Variants in OLFM1 observed in about 807,000 individuals in gnomAD.
OLFM1 encodes the protein noelin.
OLFM1 carries 9 observed loss-of-function variants against 49.7 expected under a neutral mutation model. That is an observed-to-expected ratio of 0.18 (90% CI 0.11 to 0.32). OLFM1 has a LOEUF of 0.32. Ranked by LOEUF, OLFM1 falls within the 10% of genes least tolerant of loss-of-function variation. The pLI is 1.00. For missense variants in OLFM1, 369 were observed against 661.8 expected, an observed-to-expected ratio of 0.56 and a Z score of 4.85; for synonymous variants, 240 against 271.8, an observed-to-expected ratio of 0.88 and a Z score of 1.15.
Position 135,080,840 on chromosome 9 carries a change from C to T in OLFM1, c.96+5038C>T, listed in dbSNP as rs1298277697. ...ATTCGTCCTGGACACCCTGCACGCT[C>T]GGAAACCTCAGCGCTGTCCCGACTG... On this transcript the variant is annotated intron_variant, in intron 1 of 5. Coordinates refer to the OLFM1 transcript ENST00000252854. The surrounding 1 kb of genome is among the most constrained non-coding windows in gnomAD (Gnocchi z 4.5). Among the ~76,000 whole-genome samples the T allele has an allele frequency of 1.2e-4, 18 of 152,072 alleles. No homozygotes were observed. The highest frequency in any genetic ancestry group is 1.2e-3 in the Admixed American group (18 of 15,268).
rs2119098151 is a variant in OLFM1 at position 135,088,243 on chromosome 9, G to A, written c.150+104G>A. ...TGGGCGGGCGCCGCGCGGGACCCGA[G>A]TCGCCCAGGGAGGCGGCGGGGAGCA... On this transcript the variant is annotated intron_variant, in intron 1 of 5. Coordinates refer to ENST00000371793, the MANE Select transcript of OLFM1 (RefSeq NM_001282611.2). The surrounding 1 kb of genome is among the most constrained non-coding windows in gnomAD (Gnocchi z 4.8). The A allele has an allele frequency of 9.1e-7, 1 of 1,101,736 alleles. No individual in the cohort carries two copies. The highest frequency in any genetic ancestry group is 4.5e-5 in the Admixed American group (1 of 22,278). 68.2% of individuals were successfully genotyped at this position (1,101,736 alleles called of 1,614,324 possible).
At position 135,119,658 on chromosome 9, in the gene OLFM1, A is replaced by G. The variant is rs776780657; in HGVS notation, c.938A>G (p.Asn313Ser). The G allele has an allele frequency of 6.2e-7, 1 of 1,614,106 alleles. No homozygotes were observed. Among genetic ancestry groups the G allele is most frequent in the South Asian group, 1.1e-5 (1 of 91,068 alleles). ...GTCTACAACGGTTCTATCTACTTCA[A>G]CAAGTTCCAGAGCCACATCATCATC... The part of the protein sequence containing the change: ...QVVYNGSIYF[N>S]KFQSHIIIRF... The change falls in exon 6 of 6, where the codon AAC (asparagine) becomes AGC (serine). Residue 313 changes from asparagine (N) to serine (S), a missense_variant. By Grantham distance (46) the Asn-to-Ser change is conservative. Around this residue, in one of 3 missense-constraint regions of OLFM1, gnomAD observed 294 missense variants for 567.5 expected, o/e 0.52. Coordinates refer to ENST00000371793, the MANE Select transcript of OLFM1 (RefSeq NM_001282611.2).
At chr9:135,091,714 TAG>T (rs1830706849) in intron 2 of OLFM1, among the ~76,000 whole-genome samples, 2 of 23,782 alleles carry the variant, frequency 8.4e-5, no homozygotes, top group East Asian at 1.2e-3. Flanking sequence ...CACTCACACA[TAG>T]TCACACACTC....
upstream of OLFM1, chr9:135,087,172 G>C (rs563468473): frequency 7.1e-5 from 96 of 1,349,332 alleles, no homozygotes; most frequent in Non-Finnish European, 8.8e-5. Flanking sequence ...CCCCCCTGGC[G>C]CTGGAGGCCC....
intron 1 of OLFM1, chr9:135,076,766 T>C: frequency 6.7e-7 from 1 of 1,486,950 alleles, no homozygotes; most frequent in South Asian, 1.3e-5. Context: ...AAGCCCCAGC[T>C]GCCCCTGACC....
chr9:135,092,741 G>A (rs1209339533), intron 2 of OLFM1, among the ~76,000 whole-genome samples: 1 of 152,206 alleles, frequency 6.6e-6, no homozygotes, highest in African/African-American at 2.4e-5. Flanking sequence ...TCCTGCCTGT[G>A]CGTGCCACAG....
At position 135,088,723 on chromosome 9, in the gene OLFM1, G is replaced by A. The variant is rs1027286699; in HGVS notation, c.150+584G>A. On this transcript the variant is annotated intron_variant, in intron 1 of 5. Transcript: ENST00000371793. This position sits in a 1 kb window ranked among gnomAD's most constrained non-coding sequence, Gnocchi z 4.8. ...CCCTTTCCTCCCCAGTCCATAGGAG[G>A]GTTTGTTCCTTCTCCTCCGAGGACG... Among the ~76,000 whole-genome samples, 1 of 152,176 alleles carries A rather than the reference G, an allele frequency of 6.6e-6. No homozygotes were observed. The highest frequency in any genetic ancestry group is 2.4e-5 in the African/African-American group (1 of 41,452).
chr9:135,096,188 TTCCTCC>T (rs1356193718), intron 3 of OLFM1, among the ~76,000 whole-genome samples, 169 bp downstream of exon 3: 1 of 43,072 alleles, frequency 2.3e-5, no homozygotes, highest in African/African-American at 9.5e-5. Context: ...TCTCCTCCTC[TTCCTCC>T]TCCTCCCCCT....
chr9:135,077,280 G>T, intron 1 of OLFM1: 1 of 1,446,420 alleles, frequency 6.9e-7, no homozygotes, highest in South Asian at 1.5e-5. Context: ...CCTTGGCAAA[G>T]AGATGGCTGA....
intron 4 of OLFM1, among the ~76,000 whole-genome samples, chr9:135,104,900 G>A (rs1002293441): frequency 5.9e-5 from 9 of 152,220 alleles, no homozygotes; most frequent in African/African-American, 1.4e-4. Flanking sequence ...AATCTGGGCC[G>A]GGCTCTCCTG....
In OLFM1 at chr9:135,113,926, G is replaced by C. The variant is rs1831058437; in HGVS notation, c.784-5578G>C. On this transcript the variant is annotated intron_variant, in intron 5 of 5. Coordinates refer to ENST00000371793, the MANE Select transcript of OLFM1 (RefSeq NM_001282611.2). This position sits in a 1 kb window ranked among gnomAD's most constrained non-coding sequence, Gnocchi z 4.0. The stretch of plus-strand genomic sequence containing the variant: ...CAGGGCGCCTGCAGGGCTGCGCTCT[G>C]AAGATGCCAGGGGAGGACCCTCCTG... Among the ~76,000 whole-genome samples the C allele has an allele frequency of 1.3e-5, 2 of 152,156 alleles. No individual in the cohort carries two copies. Among genetic ancestry groups the C allele is most frequent in the African/African-American group, 4.8e-5 (2 of 41,446 alleles).
intron 5 of OLFM1, among the ~76,000 whole-genome samples, chr9:135,108,230 C>T (rs896060170): frequency 2.6e-5 from 4 of 152,230 alleles, no homozygotes; most frequent in African/African-American, 7.2e-5. Flanking sequence ...TTTTATTCCA[C>T]ATCCCACCTG....
At chr9:135,102,587 A>T (rs1277624696) in intron 4 of OLFM1, among the ~76,000 whole-genome samples, 1 of 151,954 alleles carries the variant, frequency 6.6e-6, no homozygotes, top group African/African-American at 2.4e-5. Flanking sequence ...GTCTGCCGTG[A>T]CCCTTTCCTC....
intron 5 of OLFM1, 150 bp from the exon 6 acceptor site, chr9:135,119,354 C>T: frequency 6.2e-6 from 4 of 645,816 alleles, no homozygotes; most frequent in Non-Finnish European, 1.1e-5. Flanking sequence ...CTTTGGAGTG[C>T]TTTCTGGGTC....
In OLFM1 at chr9:135,117,578, G is replaced by A. The variant is rs1355225055; in HGVS notation, c.784-1926G>A. The stretch of plus-strand genomic sequence containing the variant: ...GAGCATTTGCCCTCGGCTAGGCCAG[G>A]TGGCTGTGCCCCTTCGAAGGCCCCC... On this transcript the variant is annotated intron_variant, in intron 5 of 5. Transcript: ENST00000371793. This position sits in a 1 kb window ranked among gnomAD's most constrained non-coding sequence, Gnocchi z 5.5. Among the ~76,000 whole-genome samples the A allele has an allele frequency of 6.6e-6, 1 of 152,228 alleles. No individual in the cohort carries two copies. Among genetic ancestry groups the A allele is most frequent in the Non-Finnish European group, 1.5e-5 (1 of 68,046 alleles).
At chr9:135,111,493 C>A (rs1016082239) in intron 5 of OLFM1, among the ~76,000 whole-genome samples, 2 of 152,150 alleles carry the variant, frequency 1.3e-5, no homozygotes, top group Non-Finnish European at 2.9e-5. Context: ...CCAGCCCTGA[C>A]CCCCTGCTTT....
At position 135,098,052 on chromosome 9, in the gene OLFM1, C is replaced by T. The variant is rs1830824083; in HGVS notation, c.457-234C>T. On this transcript the variant is annotated intron_variant, in intron 3 of 5. Transcript: ENST00000371793. This position sits in a 1 kb window ranked among gnomAD's most constrained non-coding sequence, Gnocchi z 5.6. ...AAAACTTCGTGTATGTGACTCAAAG[C>T]ATGTAACCTTAAGATGTTGCATTCT... 2 of 1,424,904 alleles carry T rather than the reference C, an allele frequency of 1.4e-6. No homozygotes were observed. The highest frequency in any genetic ancestry group is 1.8e-6 in the Non-Finnish European group (2 of 1,097,358). The allele number at this position is 1,424,904 out of a possible 1,614,324, so 88.3% of individuals were successfully genotyped here. A position where few individuals can be genotyped will look rare whatever the true frequency, so the allele number is the denominator to read the frequency against.
At chr9:135,107,625 G>T (rs1478997829) in intron 5 of OLFM1, among the ~76,000 whole-genome samples, 1 of 152,236 alleles carries the variant, frequency 6.6e-6, no homozygotes, top group South Asian at 2.1e-4. Flanking sequence ...GAGGGAAGCT[G>T]TCAGGGCTTC....
intron 4 of OLFM1, among the ~76,000 whole-genome samples, chr9:135,103,646 G>T (rs1830900181): frequency 6.6e-6 from 1 of 152,246 alleles, no homozygotes. Context: ...GCCGCCCTCT[G>T]GAGAGCAGAA....
Sources: allele counts gnomAD v4.1 joint callset (sites outside exome capture counted in the v4.1 genomes callset), GRCh38; gene constraint gnomAD v4.1.1; regional missense constraint gnomAD v4.1.1; non-coding constraint Gnocchi (gnomAD v3.1); transcripts MANE v1.5; gene names NCBI Gene and HGNC (gene_info 2026-07-23, HGNC 2026-07-21).